Variants in MICB observed in about 807,000 individuals in gnomAD.
MICB encodes the protein MHC class I antigen-related protein B.
In MICB, 27 loss-of-function variants were observed where a neutral mutation model predicts 34.3. The observed-to-expected ratio is 0.79, with a 90% CI of 0.58 to 1.08. The LOEUF is 1.08. Among genes scored for constraint, MICB ranks in the 50% least tolerant of loss-of-function variants. The probability of loss-of-function intolerance (pLI) is 0.00; values close to 1 mark genes in which losing one functional copy is unlikely to be tolerated. For missense variants in MICB, 426 were observed against 483.1 expected, an observed-to-expected ratio of 0.88 and a Z score of 1.11; for synonymous variants, 153 against 187.4, an observed-to-expected ratio of 0.82 and a Z score of 1.50.
intron 1 of MICB, among the ~76,000 whole-genome samples, chr6:31,499,173 T>G (rs1037704792): frequency 3.9e-5 from 6 of 152,000 alleles, no homozygotes; most frequent in African/African-American, 1.4e-4. Flanking sequence ...GGCAGAGGAT[T>G]CTTCCTGCGA....
In MICB at chr6:31,505,880, C is replaced by T. The variant is rs765838693; in HGVS notation, c.325+9C>T. ...CAAGGACCAGAAAGGAGGTGAGAGTCGGCAGGGGCAAGAGTAATGGGAGGC... is the reference window on the plus strand; with the variant it reads ...CAAGGACCAGAAAGGAGGTGAGAGTTGGCAGGGGCAAGAGTAATGGGAGGC... On this transcript the variant is annotated intron_variant, in intron 2 of 5. Coordinates refer to ENST00000252229, the MANE Select transcript of MICB (RefSeq NM_005931.5). The T allele has an allele frequency of 8.8e-6, 14 of 1,591,962 alleles. No individual in the cohort carries two copies. The East Asian group carries it at 1.6e-4, about 18-fold the overall frequency.
chr6:31,509,681 G>A, intron 5 of MICB, 101 bp from the exon 6 acceptor site: 1 of 1,407,674 alleles, frequency 7.1e-7, no homozygotes, highest in Non-Finnish European at 9.5e-7. Flanking sequence ...CTCAGAGAAA[G>A]GGCGAATCTG....
upstream of MICB, among the ~76,000 whole-genome samples, chr6:31,496,179 C>T (rs140305003): frequency 7.3e-4 from 109 of 150,334 alleles, no homozygotes; most frequent in African/African-American, 2.5e-3. Flanking sequence ...TAAGAATGTG[C>T]GCTGGGGACA....
At position 31,498,145 on chromosome 6, in the gene MICB, AT is replaced by A. The variant is rs767984295; in HGVS notation, c.-47del. On this transcript the variant is annotated 5_prime_UTR_variant, in exon 1 of 6. Transcript: ENST00000252229. ...TCGACGGGGTCTTCTCACGGGTTTC[AT>A]TCAGTTGGCCACTGCTGAGCAGCTG... 1.3e-6 allele frequency: 2 copies of A among 1,493,976 alleles called. No individual in the cohort carries two copies. The highest frequency in any genetic ancestry group is 3.7e-5 in the Admixed American group (2 of 54,038). 92.5% of individuals were successfully genotyped at this position (1,493,976 alleles called of 1,614,324 possible). A position where few individuals can be genotyped will look rare whatever the true frequency, so the allele number is the denominator to read the frequency against.
intron 1 of MICB, among the ~76,000 whole-genome samples, 183 bp downstream of exon 1, chr6:31,498,446 CTTTTTTTTTTTTTTTTTTTTTTTTTTT>C (rs9279321): frequency 3.4e-5 from 3 of 89,262 alleles, no homozygotes; most frequent in Non-Finnish European, 4.3e-5. Flanking sequence ...TCTCCCGTCT[CTTTTTTTTTTTTTTTTTTTTTTTTTTT>C]TTTTTTTTTT....
chr6:31,499,750 C>T (rs558629389), intron 1 of MICB, among the ~76,000 whole-genome samples: 4 of 151,946 alleles, frequency 2.6e-5, no homozygotes, highest in Non-Finnish European at 4.4e-5. Context: ...GGACCCCACC[C>T]TCCAGCCCAC....
chr6:31,502,164 C>T (rs1167932013), intron 1 of MICB, among the ~76,000 whole-genome samples: 3 of 152,118 alleles, frequency 2.0e-5, no homozygotes, highest in East Asian at 1.9e-4. Flanking sequence ...GGGGAAACCC[C>T]GCCTCTACTA....
chr6:31,501,487 A>G (rs1459052046), intron 1 of MICB, among the ~76,000 whole-genome samples: 3 of 152,128 alleles, frequency 2.0e-5, no homozygotes, highest in Non-Finnish European at 4.4e-5. Flanking sequence ...CTTGTGGGGT[A>G]TTACTTAAAA....
At chr6:31,502,739 TCTC>T (rs1765078709) in intron 1 of MICB, among the ~76,000 whole-genome samples, 1 of 152,230 alleles carries the variant, frequency 6.6e-6, no homozygotes, top group Non-Finnish European at 1.5e-5. Context: ...TTTATTTCCT[TCTC>T]CTGTCAGATT....
chr6:31,498,291 C>G, intron 1 of MICB, 28 bp downstream of exon 1: 3 of 1,523,872 alleles, frequency 2.0e-6, no homozygotes, highest in Non-Finnish European at 2.7e-6. Context: ...CGGTCCCCGG[C>G]GGAGCGGGAG....
At position 31,507,286 on chromosome 6, in the gene MICB, A is replaced by G. The variant is rs995362095; in HGVS notation, c.878A>G (p.His293Arg). The change falls in exon 4 of 6, where the codon CAC (histidine) becomes CGC (arginine). Residue 293 changes from histidine (H) to arginine (R), a missense_variant. His to Arg is a conservative substitution (Grantham distance 29, BLOSUM62 0). Coordinates refer to ENST00000252229, the MANE Select transcript of MICB (RefSeq NM_005931.5). This position sits in a 1 kb window ranked among gnomAD's most constrained non-coding sequence, Gnocchi z 6.0. ...YMEHSGNHGT[H>R]PVPSGKALVL... ...GAACACAGCGGGAATCACGGCACTC[A>G]CCCTGTGCCCTCTGGTGAGCCTGGG... 1.2e-6 allele frequency: 2 copies of G among 1,612,738 alleles called. No homozygotes were observed. Among genetic ancestry groups the G allele is most frequent in the African/African-American group, 2.7e-5 (2 of 74,844 alleles).
Position 31,506,168 on chromosome 6 carries a change from G to A in MICB, c.351G>A (p.Arg117=), listed in dbSNP as rs1301115848. 1.2e-6 allele frequency: 2 copies of A among 1,613,918 alleles called. No individual in the cohort carries two copies. The highest frequency in any genetic ancestry group is 1.7e-6 in the Non-Finnish European group (2 of 1,179,924). The stretch of plus-strand genomic sequence containing the variant: ...GCTTGCATTCCCTCCAGGAGATTAG[G>A]GTCTGTGAGATCCATGAAGACAGCA... ...KGGLHSLQEI[R]VCEIHEDSST... is the part of the protein sequence containing the mutation. The change falls in exon 3 of 6, where the codon AGG becomes AGA. Residue 117 remains arginine, a synonymous_variant. Transcript: ENST00000252229.
rs1267540647 is a variant in MICB at position 31,507,035 on chromosome 6, G to A, written c.627G>A (p.Val209=). The change falls in exon 4 of 6, where the codon GTG becomes GTA. Residue 209 remains valine (V), a synonymous_variant. Coordinates refer to ENST00000252229, the MANE Select transcript of MICB (RefSeq NM_005931.5). The surrounding 1 kb of genome is among the most constrained non-coding windows in gnomAD (Gnocchi z 6.0). ...VAIRRTVPPM[V]NVTCSEVSEG... ...TTTCTTCTCCAGTGCCCCCCATGGT[G>A]AATGTCACCTGCAGCGAGGTCTCAG... The A allele has an allele frequency of 6.2e-7, 1 of 1,613,492 alleles. No homozygotes were observed. Among genetic ancestry groups the A allele is most frequent in the Non-Finnish European group, 8.5e-7 (1 of 1,179,654 alleles).
chr6:31,504,737 A>T (rs1452867067), intron 1 of MICB, among the ~76,000 whole-genome samples: 3 of 152,172 alleles, frequency 2.0e-5, no homozygotes, highest in Non-Finnish European at 2.9e-5. Flanking sequence ...CCATGAAAGC[A>T]CTGTCAAACC....
intron 1 of MICB, among the ~76,000 whole-genome samples, chr6:31,504,202 T>G (rs1310430323): frequency 6.6e-6 from 1 of 151,944 alleles, no homozygotes; most frequent in Non-Finnish European, 1.5e-5. Flanking sequence ...GACTGTTTTG[T>G]TGTTTTTGTC....
chr6:31,506,757 C>T (rs1489893431), intron 3 of MICB, among the ~76,000 whole-genome samples: 1 of 152,158 alleles, frequency 6.6e-6, no homozygotes, highest in Non-Finnish European at 1.5e-5. Context: ...GAGTTCCCTC[C>T]TGGCCCCATG....
At chr6:31,506,884 G>A in intron 3 of MICB, 138 bp from the exon 4 acceptor site, 1 of 1,392,356 alleles carries the variant, frequency 7.2e-7, no homozygotes, top group East Asian at 2.5e-5. Context: ...AGGCCCCAGG[G>A]TGAGGACAGA....
intron 3 of MICB, among the ~76,000 whole-genome samples, chr6:31,506,789 A>G (rs896017253): frequency 1.3e-5 from 2 of 152,036 alleles, no homozygotes; most frequent in Non-Finnish European, 2.9e-5. Flanking sequence ...CACCCTTGAC[A>G]TCCCCCTCCT....
rs142597879 is a variant in MICB, at chr6:31,509,891, T to C, written c.1134T>C (p.Gly378=). The change falls in exon 6 of 6, where the codon GGT becomes GGC. Residue 378 remains glycine, a synonymous_variant. Coordinates refer to ENST00000252229, the MANE Select transcript of MICB (RefSeq NM_005931.5). The stretch of plus-strand genomic sequence containing the variant: ...TGATGTCAGCTACTGGGTCCACTGG[T>C]TCCACTGAGGGCACCTAGACTCTAC... ...QPLMSATGST[G]STEGT is the part of the protein sequence containing the mutation. The C allele has an allele frequency of 3.3e-3, 5,273 of 1,612,072 alleles. 30 individuals are homozygous for C. Among genetic ancestry groups the C allele is most frequent in the Middle Eastern group, 0.02 (118 of 6,050 alleles).
Sources: gnomAD v4.1 joint callset for allele counts (sites outside exome capture counted in the v4.1 genomes callset) on GRCh38, gnomAD v4.1.1 for gene constraint, Gnocchi (gnomAD v3.1) non-coding constraint, MANE v1.5 for transcripts, NCBI Gene and HGNC (gene_info 2026-07-23, HGNC 2026-07-21) for gene names.